The following DLG2 variants were observed in gnomAD, a reference collection of about 807,000 sequenced individuals.
The protein encoded by DLG2 is discs large MAGUK scaffold protein 2.
DLG2 carries 45 observed loss-of-function variants against 132.5 expected under a neutral mutation model. The observed-to-expected ratio is 0.34, with a 90% CI of 0.27 to 0.44. DLG2 has a LOEUF of 0.44. DLG2 is among the 20% of genes least tolerant of loss of function. The pLI, the probability that DLG2 is intolerant of heterozygous loss-of-function variation, is 1.00. For synonymous variants in DLG2, 424 were observed against 419.6 expected, an observed-to-expected ratio of 1.01 and a Z score of -0.13; for missense variants, 1,045 against 1,196.9, an observed-to-expected ratio of 0.87 and a Z score of 1.87.
intron 8 of DLG2, among the ~76,000 whole-genome samples, chr11:84,227,005 G>A (rs1322550967): frequency 6.6e-6 from 1 of 152,070 alleles, no homozygotes; most frequent in Non-Finnish European, 1.5e-5. Flanking sequence ...AGAATGGCTT[G>A]AACCCAGGAG....
chr11:84,656,456 C>CGAAGAGTATAGCCAAATGTAGTG (rs2099688410), intron 6 of DLG2, among the ~76,000 whole-genome samples: 1 of 151,932 alleles, frequency 6.6e-6, no homozygotes, highest in African/African-American at 2.4e-5. Flanking sequence ...CTTTATCATA[C>CGAAGAGTATAGCCAAATGTAGTG]GAAGAGTATA....
intron 18 of DLG2, among the ~76,000 whole-genome samples, chr11:83,755,019 G>T (rs2093589590): frequency 6.6e-6 from 1 of 151,210 alleles, no homozygotes; most frequent in African/African-American, 2.5e-5. Context: ...TTAAATGTCA[G>T]ATTTATTTGT....
intron 4 of DLG2, among the ~76,000 whole-genome samples, chr11:85,237,827 G>T (rs575250889): frequency 5.9e-5 from 9 of 152,114 alleles, no homozygotes; most frequent in African/African-American, 1.9e-4. Context: ...CCAGAAAAAG[G>T]GTTTTCATTG....
chr11:84,062,287 G>T (rs1185177728), intron 10 of DLG2, among the ~76,000 whole-genome samples: 1 of 152,096 alleles, frequency 6.6e-6, no homozygotes, highest in Non-Finnish European at 1.5e-5. Context: ...CCACGGTGAG[G>T]CCACTTTATC....
intron 16 of DLG2, among the ~76,000 whole-genome samples, chr11:83,854,086 T>C (rs2060162014): frequency 6.6e-6 from 1 of 152,112 alleles, no homozygotes; most frequent in African/African-American, 2.4e-5. Context: ...ATGCTAATGA[T>C]GAAAAAGCGA....
chr11:83,755,318 C>T (rs748505535), intron 18 of DLG2, among the ~76,000 whole-genome samples: 2 of 150,884 alleles, frequency 1.3e-5, no homozygotes, highest in African/African-American at 2.5e-5. Context: ...ATCGAGTTTG[C>T]GATATGTTTA....
intron 15 of DLG2, among the ~76,000 whole-genome samples, chr11:83,921,517 G>C (rs1183763939): frequency 1.3e-5 from 2 of 152,072 alleles, no homozygotes; most frequent in African/African-American, 4.8e-5. Flanking sequence ...TAAAACTTCT[G>C]GAATAGCGCA....
intron 3 of DLG2, among the ~76,000 whole-genome samples, chr11:85,498,892 T>A (rs1597965018): frequency 6.6e-6 from 1 of 152,142 alleles, no homozygotes; most frequent in East Asian, 1.9e-4. Context: ...TTGAAACCAA[T>A]GAGAACAAGG....
intron 4 of DLG2, among the ~76,000 whole-genome samples, chr11:85,249,190 T>C (rs1270246525): frequency 5.3e-5 from 8 of 152,016 alleles, no homozygotes; most frequent in Non-Finnish European, 1.0e-4. Flanking sequence ...TCATTTGGGA[T>C]CATGTGTAAC....
intron 6 of DLG2, among the ~76,000 whole-genome samples, chr11:84,889,276 A>T (rs1452709017): frequency 6.6e-6 from 1 of 152,162 alleles, no homozygotes; most frequent in Non-Finnish European, 1.5e-5. Context: ...GGTAATAGCA[A>T]ATAGAATAAA....
intron 6 of DLG2, among the ~76,000 whole-genome samples, chr11:84,585,254 G>A (rs2099526881): frequency 6.6e-6 from 1 of 152,172 alleles, no homozygotes; most frequent in East Asian, 1.9e-4. Flanking sequence ...TATGAGGTAG[G>A]TACTATTAGG....
intron 6 of DLG2, among the ~76,000 whole-genome samples, chr11:84,848,360 G>A (rs984818531): frequency 6.6e-6 from 1 of 152,018 alleles, no homozygotes; most frequent in Admixed American, 6.6e-5. Context: ...CAGGCATGGT[G>A]GTGCATGCCT....
chr11:85,320,145 G>C (rs1362677313), intron 3 of DLG2, among the ~76,000 whole-genome samples: 1 of 151,884 alleles, frequency 6.6e-6, no homozygotes, highest in Non-Finnish European at 1.5e-5. Flanking sequence ...CTGTAGATAA[G>C]TTACCATATG....
intron 4 of DLG2, among the ~76,000 whole-genome samples, chr11:85,194,750 C>T (rs1423691134): frequency 1.3e-5 from 2 of 152,086 alleles, no homozygotes. Flanking sequence ...AATAATGAGA[C>T]AAACTCATAC....
chr11:84,004,041 A>G lies in DLG2; in HGVS notation c.920-23399T>C, dbSNP rs566351965. Among the ~76,000 whole-genome samples, 10 of 152,162 alleles carry G rather than the reference A, an allele frequency of 6.6e-5. 1 individual carries two copies. The South Asian group carries it at 1.9e-3, about 28-fold the overall frequency. ...AAAGAACTAAAACCAATCCTCCTCA[A>G]ACAACTCCATAAAAATTGAAGAGAA... On this transcript the variant is annotated intron_variant, in intron 11 of 27. Transcript: ENST00000376104.
chr11:84,142,614 A>C (rs1027061586), intron 9 of DLG2, among the ~76,000 whole-genome samples: 67 of 152,260 alleles, frequency 4.4e-4, no homozygotes, highest in Non-Finnish European at 8.8e-4. Flanking sequence ...CTCCCTCACC[A>C]ATGCGGGTGA....
Position 83,962,920 on chromosome 11 carries a change from A to C in DLG2, c.1305T>G (p.Ile435Met). 1 of 1,613,116 alleles carries C rather than the reference A, an allele frequency of 6.2e-7. No individual in the cohort carries two copies. The highest frequency in any genetic ancestry group is 8.5e-7 in the Non-Finnish European group (1 of 1,179,218). The change falls in exon 14 of 28, where the codon ATT (isoleucine) becomes ATG (methionine). Residue 435 changes from isoleucine to methionine, a missense_variant. By Grantham distance (10) the Ile-to-Met change is conservative (BLOSUM62 1). Coordinates refer to ENST00000376104, the MANE Select transcript of DLG2 (RefSeq NM_001142699.3). ...PPISPGRYSP[I>M]PKHMLVDDDY... ...CGTCGTCAACAAGCATGTGCTTTGGAATTGGTGAGTACCTTCCTGGAGAGA... is the reference window on the plus strand; with the variant it reads ...CGTCGTCAACAAGCATGTGCTTTGGCATTGGTGAGTACCTTCCTGGAGAGA...
At chr11:84,819,106 C>CACACACACACACACACA (rs769677741) in intron 6 of DLG2, among the ~76,000 whole-genome samples, 5 of 150,438 alleles carry the variant, frequency 3.3e-5, no homozygotes, top group Admixed American at 6.6e-5. Context: ...CACACACACA[C>CACACACACACACACACA]AATTTCGTTT....
chr11:84,152,216 G>A (rs1041411401), intron 9 of DLG2, among the ~76,000 whole-genome samples: 6 of 151,972 alleles, frequency 3.9e-5, no homozygotes, highest in Non-Finnish European at 8.8e-5. Context: ...TTACAAACTG[G>A]GTGCTCCAAT....
Sources: allele counts gnomAD v4.1 joint callset (sites outside exome capture counted in the v4.1 genomes callset), GRCh38; gene constraint gnomAD v4.1.1; transcripts MANE v1.5; gene names NCBI Gene and HGNC (gene_info 2026-07-23, HGNC 2026-07-21).